Variants in MUC4 observed in about 807,000 individuals in gnomAD.
The protein encoded by MUC4 is mucin 4, cell surface associated, also known as mucin-4.
In MUC4, 202 loss-of-function variants were observed where a neutral mutation model predicts 257.9. The observed-to-expected ratio is 0.78, with a 90% CI of 0.70 to 0.88. The LOEUF (loss-of-function observed/expected upper bound fraction) is 0.88. Among genes scored for constraint, MUC4 ranks in the 40% least tolerant of loss-of-function variants. The pLI, the probability that MUC4 is intolerant of heterozygous loss-of-function variation, is 0.00. For synonymous variants in MUC4, 2,351 were observed against 2,757.1 expected, an observed-to-expected ratio of 0.85 and a Z score of 4.62; for missense variants, 5,976 against 6,513.7, an observed-to-expected ratio of 0.92 and a Z score of 2.84.
Position 195,748,976 on chromosome 3 carries a change from G to C in MUC4, c.15960C>G (p.Cys5320Trp). ...AGTAGCCCCTACTGCACGGGGACAC[G>C]CAGGTGAAGCCGCTCTGGGGGCTGT... ...LVYSPQSGFT[C>W]VSPCSRGYCD... Residue 5320 changes from cysteine (C) to tryptophan (W), a missense_variant, in exon 24 of 25, where the codon TGC becomes TGG. By Grantham distance (215) the Cys-to-Trp change is radical. Coordinates refer to ENST00000463781, the MANE Select transcript of MUC4 (RefSeq NM_018406.7). The C allele has an allele frequency of 6.2e-7, 1 of 1,609,476 alleles. No individual in the cohort carries two copies. Among genetic ancestry groups the C allele is most frequent in the African/African-American group, 1.3e-5 (1 of 74,798 alleles).
rs1312547259 is a variant in MUC4 at position 195,783,120 on chromosome 3, G to C, written c.8460C>G (p.Thr2820=). Reference sequence around the variant, plus strand: ...GACCTGTGAACACTGAGGAAGCGTCGGTGACAGGAAGAGAGGTGGCGTGAC... The same window carrying C: ...GACCTGTGAACACTGAGGAAGCGTCCGTGACAGGAAGAGAGGTGGCGTGAC... ...STGHATSLPV[T]DASSVFTGHA... The change falls in exon 2 of 25, where the codon ACC becomes ACG. Residue 2820 remains threonine, a synonymous_variant. Coordinates refer to ENST00000463781, the MANE Select transcript of MUC4 (RefSeq NM_018406.7). 1.6e-6 allele frequency: 2 copies of C among 1,287,680 alleles called. No homozygotes were observed. The highest frequency in any genetic ancestry group is 2.1e-6 in the Non-Finnish European group (2 of 967,962). 79.8% of individuals were successfully genotyped at this position (1,287,680 alleles called of 1,614,324 possible). A position where few individuals can be genotyped will look rare whatever the true frequency, so the allele number is the denominator to read the frequency against.
intron 20 of MUC4, 74 bp from the exon 21 acceptor site, chr3:195,752,520 G>T (rs1265618325): frequency 2.2e-6 from 3 of 1,348,644 alleles, no homozygotes; most frequent in Admixed American, 1.7e-5. Flanking sequence ...TGTCGGGCCA[G>T]CCCAAGTTGA....
At chr3:195,769,392 G>T (rs1722312806) in intron 6 of MUC4, 2 of 524,968 alleles carry the variant, frequency 3.8e-6, no homozygotes, top group South Asian at 5.9e-5. Flanking sequence ...TTTCTTCCAG[G>T]AGGGGAGATA....
At chr3:195,811,240 C>G (rs112242983) in intron 1 of MUC4, among the ~76,000 whole-genome samples, 1 of 151,782 alleles carries the variant, frequency 6.6e-6, no homozygotes, top group Non-Finnish European at 1.5e-5. Flanking sequence ...GTGGCGCGAT[C>G]TTGGCTCACT....
rs1162272743 is a variant in MUC4 at position 195,787,135 on chromosome 3, G to A, written c.4445C>T (p.Ser1482Phe). 8.8e-7 allele frequency: 1 copy of A among 1,141,254 alleles called. No individual in the cohort carries two copies. Among genetic ancestry groups the A allele is most frequent in the Non-Finnish European group, 1.2e-6 (1 of 829,840 alleles). 70.7% of individuals were successfully genotyped at this position (1,141,254 alleles called of 1,614,324 possible). A position where few individuals can be genotyped will look rare whatever the true frequency, so the allele number is the denominator to read the frequency against. Residue 1482 changes from serine (S) to phenylalanine (F), a missense_variant, in exon 2 of 25, where the codon TCC becomes TTC. By Grantham distance (155) the Ser-to-Phe change is radical. Coordinates refer to ENST00000463781, the MANE Select transcript of MUC4 (RefSeq NM_018406.7). ...AGGAAGAGGCGTGGTGTCACCTGTG[G>A]ATACTGAGGAAGTGTCGGTGACAAG... ...SLLVTDTSSV[S>F]TGDTTPLPVT...
chr3:195,774,116 G>T, intron 4 of MUC4, 56 bp downstream of exon 4: 1 of 1,537,374 alleles, frequency 6.5e-7, no homozygotes, highest in Admixed American at 2.1e-5. Flanking sequence ...TCTCGAAGCA[G>T]GAGAGAGAAG....
In MUC4 at chr3:195,770,379, A is replaced by G. The variant is rs777856212; in HGVS notation, c.13243-8T>C. On this transcript the variant is annotated splice_region_variant and splice_polypyrimidine_tract_variant and intron_variant, in intron 5 of 24. Transcript: ENST00000463781. The stretch of plus-strand genomic sequence containing the variant: ...ATAGAACGTCTCGTATTCCTAGGAA[A>G]GGAGGGCAGATGAAAACAAGCCAAC... 1 of 1,613,418 alleles carries G rather than the reference A, an allele frequency of 6.2e-7. No homozygotes were observed. The highest frequency in any genetic ancestry group is 8.5e-7 in the Non-Finnish European group (1 of 1,179,798).
At chr3:195,769,423 C>T (rs996337669) in intron 6 of MUC4, 2 of 433,492 alleles carry the variant, frequency 4.6e-6, no homozygotes, top group Non-Finnish European at 8.4e-6. Context: ...GGTTACAATT[C>T]AGTTAGATGA....
Position 195,769,099 on chromosome 3 carries a change from CAG to C in MUC4, c.13450_13451del (p.Leu4484ValfsTer26). 2 of 1,614,156 alleles carry C rather than the reference CAG, an allele frequency of 1.2e-6. No homozygotes were observed. The highest frequency in any genetic ancestry group is 1.3e-5 in the African/African-American group (1 of 75,060). ...GCATCCCACCGCTCTGGTAGAGAAA[CAG>C]GGCATAGGACCTGCTCCCGTCCGTG... ...LSTDGSRSYA[L>X]FLYQSGGMQW... On this transcript the variant is annotated frameshift_variant, in exon 7 of 25. Coordinates refer to ENST00000463781, the MANE Select transcript of MUC4 (RefSeq NM_018406.7). LOFTEE classifies it high-confidence loss of function.
rs138397680 is a variant in MUC4, at chr3:195,747,314, G to T, written c.16101C>A (p.Asp5367Glu). The T allele has an allele frequency of 1.9e-6, 3 of 1,614,022 alleles. No individual in the cohort carries two copies. Among genetic ancestry groups the T allele is most frequent in the Non-Finnish European group, 2.5e-6 (3 of 1,179,948 alleles). The change falls in exon 25 of 25, where the codon GAC (aspartate) becomes GAA (glutamate). Residue 5367 changes from aspartate to glutamate, a missense_variant. Transcript: ENST00000463781. ...CCCCAAAGAAGATGCCGAAGAACGC[G>T]TCGAGTTTCATGCTCAGGTGCTCAC... is the stretch of plus-strand genomic sequence containing the variant. ...EHCEHLSMKL[D>E]AFFGIFFGAL...
At chr3:195,753,760 C>A (rs1716952164) in intron 19 of MUC4, 1 of 189,852 alleles carries the variant, frequency 5.3e-6, no homozygotes, top group Non-Finnish European at 1.1e-5. Flanking sequence ...GCTGCCGGAT[C>A]CCCACGCCAG....
intron 1 of MUC4, among the ~76,000 whole-genome samples, chr3:195,795,131 T>TA (rs1490373817): frequency 6.6e-6 from 1 of 152,268 alleles, no homozygotes; most frequent in Non-Finnish European, 1.5e-5. Flanking sequence ...GGTTTAAATT[T>TA]AAAAACATTC....
rs200424131 is a variant in MUC4, at chr3:195,788,289, T to C, written c.3291A>G (p.Ala1097=). 1.5e-3 allele frequency: 2,281 copies of C among 1,497,324 alleles called. No individual in the cohort carries two copies. Among genetic ancestry groups the C allele is most frequent in the Middle Eastern group, 3.2e-3 (14 of 4,380 alleles). The allele number at this position is 1,497,324 out of a possible 1,614,324, so 92.8% of individuals were successfully genotyped here. The change falls in exon 2 of 25, where the codon GCA becomes GCG. Residue 1097 remains alanine (A), a synonymous_variant. Transcript: ENST00000463781. ...TPLPVTDTSS[A]STGHATSLPV... ...GAAGAGAGGTGGCGTGACCTGTGGA[T>C]GCTGAGGAAGTGTCAGTGACAGGAA...
Position 195,762,859 on chromosome 3 carries a change from G to A in MUC4, c.14340C>T (p.Gly4780=), listed in dbSNP as rs371230648. 3.8e-6 allele frequency: 6 copies of A among 1,558,804 alleles called. No individual in the cohort carries two copies. The highest frequency in any genetic ancestry group is 4.3e-6 in the Non-Finnish European group (5 of 1,153,470). Residue 4780 remains glycine (G), a synonymous_variant, in exon 13 of 25, where the codon GGC becomes GGT. Coordinates refer to ENST00000463781, the MANE Select transcript of MUC4 (RefSeq NM_018406.7). ...TVTFQPDHED[G]GGQETFNATG... ...GGCCGGCGCTCCCCAACCTACCTCCGCCGTCTTCATGGTCAGGCTGAAATG... is the reference window on the plus strand; with the variant it reads ...GGCCGGCGCTCCCCAACCTACCTCCACCGTCTTCATGGTCAGGCTGAAATG...
At chr3:195,801,622 C>T (rs1349564137) in intron 1 of MUC4, among the ~76,000 whole-genome samples, 1 of 152,194 alleles carries the variant, frequency 6.6e-6, no homozygotes, top group African/African-American at 2.4e-5. Flanking sequence ...CGGGCTTCCC[C>T]TGCCGCCTCT....
chr3:195,804,986 T>A (rs531598412), intron 1 of MUC4, among the ~76,000 whole-genome samples: 1 of 152,260 alleles, frequency 6.6e-6, no homozygotes, highest in African/African-American at 2.4e-5. Context: ...ATCTGTGGAA[T>A]ACATCCCAGG....
Position 195,757,105 on chromosome 3 carries a change from C to T in MUC4, c.15168+42G>A. On this transcript the variant is annotated intron_variant, in intron 18 of 24. Coordinates refer to ENST00000463781, the MANE Select transcript of MUC4 (RefSeq NM_018406.7). The surrounding 1 kb of genome is among the most constrained non-coding windows in gnomAD (Gnocchi z 4.8). ...CATCCATTCCACTCCCATTTCCTCT[C>T]CCCTCGGCACAGAAACTCCTCCCCC... 1 of 1,561,926 alleles carries T rather than the reference C, an allele frequency of 6.4e-7. No homozygotes were observed. The highest frequency in any genetic ancestry group is 8.7e-7 in the Non-Finnish European group (1 of 1,143,906).
chr3:195,763,471 C>A lies in MUC4; in HGVS notation c.14215G>T (p.Ala4739Ser), dbSNP rs935835774. ...SAQATNFIAFAAQYRSSSLGP... is the reference protein window; with the variant it reads ...SAQATNFIAFSAQYRSSSLGP... ...AGGCTGCTGGAGCGGTACTGAGCCG[C>A]AAAGGCGATGAAGTTGGTGGCCTGG... Residue 4739 changes from alanine to serine, a missense_variant, in exon 12 of 25, where the codon GCG becomes TCG. Transcript: ENST00000463781. 1 of 1,495,238 alleles carries A rather than the reference C, an allele frequency of 6.7e-7. No homozygotes were observed. The highest frequency in any genetic ancestry group is 9.0e-7 in the Non-Finnish European group (1 of 1,115,310). 92.6% of individuals were successfully genotyped at this position (1,495,238 alleles called of 1,614,324 possible).
rs760729112 is a variant in MUC4, at chr3:195,769,167, A to ACCCCC, written c.13399-16_13399-15insGGGGG. 1 of 1,613,702 alleles carries ACCCCC rather than the reference A, an allele frequency of 6.2e-7. No homozygotes were observed. The highest frequency in any genetic ancestry group is 1.1e-5 in the South Asian group (1 of 91,020). On this transcript the variant is annotated splice_polypyrimidine_tract_variant and intron_variant, in intron 6 of 24. Coordinates refer to ENST00000463781, the MANE Select transcript of MUC4 (RefSeq NM_018406.7). Reference sequence around the variant, plus strand: ...TAGGTGTTGCTCTGGGGGTGGGTGGAAGAAAACACAGGGATGCCCGTGAGA... The same window carrying ACCCCC: ...TAGGTGTTGCTCTGGGGGTGGGTGGACCCCCAGAAAACACAGGGATGCCCGTGAGA...
Sources: allele counts gnomAD v4.1 joint callset (sites outside exome capture counted in the v4.1 genomes callset), GRCh38; gene constraint gnomAD v4.1.1; non-coding constraint Gnocchi (gnomAD v3.1); transcripts MANE v1.5; gene names NCBI Gene and HGNC (gene_info 2026-07-23, HGNC 2026-07-21).